Variants in TMEM74 observed in about 807,000 individuals in gnomAD.
TMEM74 encodes transmembrane protein 74.
A neutral mutation model predicts 18.1 loss-of-function variants in TMEM74; 13 were observed. The observed-to-expected ratio is 0.72, with a 90% CI of 0.47 to 1.14. TMEM74 has a LOEUF of 1.14. Ranked by LOEUF, TMEM74 falls within the 50% of genes most tolerant of loss-of-function variation. TMEM74 has a pLI of 0.00. For synonymous variants in TMEM74, 159 were observed against 146.6 expected, an observed-to-expected ratio of 1.08 and a Z score of -0.61; for missense variants, 372 against 375.9, an observed-to-expected ratio of 0.99 and a Z score of 0.09.
intron 1 of TMEM74, among the ~76,000 whole-genome samples, chr8:108,685,374 T>C (rs1039356003): frequency 2.0e-5 from 3 of 152,122 alleles, no homozygotes; most frequent in African/African-American, 7.2e-5. Flanking sequence ...GTAAGATCAG[T>C]CATCTGCAAA....
chr8:108,631,408 A>G (rs540074647), intron 2 of TMEM74, among the ~76,000 whole-genome samples: 4 of 152,066 alleles, frequency 2.6e-5, no homozygotes, highest in African/African-American at 9.6e-5. Context: ...ACCCTCCTTT[A>G]GCTTTCCGAG....
intron 1 of TMEM74, among the ~76,000 whole-genome samples, chr8:108,713,903 G>T (rs552031735): frequency 6.6e-6 from 1 of 152,220 alleles, no homozygotes; most frequent in Non-Finnish European, 1.5e-5. Flanking sequence ...TGAGAACCCA[G>T]GGGGCCACTG....
intron 1 of TMEM74, among the ~76,000 whole-genome samples, chr8:108,692,504 T>A (rs1813241358): frequency 6.6e-6 from 1 of 152,190 alleles, no homozygotes; most frequent in Non-Finnish European, 1.5e-5. Flanking sequence ...CTGGATGATC[T>A]TATACAGGCC....
chr8:108,730,531 T>C (rs1158083667), intron 1 of TMEM74, among the ~76,000 whole-genome samples: 1 of 152,218 alleles, frequency 6.6e-6, no homozygotes, highest in Non-Finnish European at 1.5e-5. Flanking sequence ...AAAGTTCTTT[T>C]ATATGGTTAA....
intron 2 of TMEM74, among the ~76,000 whole-genome samples, chr8:108,642,104 A>T (rs1039836020): frequency 1.1e-5 from 1 of 92,766 alleles, no homozygotes; most frequent in African/African-American, 4.0e-5. Flanking sequence ...ATTTAGGAAA[A>T]TATATGTGTT....
chr8:108,739,185 T>A (rs1813775342), intron 1 of TMEM74, among the ~76,000 whole-genome samples: 1 of 152,210 alleles, frequency 6.6e-6, no homozygotes, highest in African/African-American at 2.4e-5. Context: ...CTAAACTTTT[T>A]AAGATTCCTT....
chr8:108,741,631 G>T (rs1813801735), intron 1 of TMEM74, among the ~76,000 whole-genome samples: 1 of 152,166 alleles, frequency 6.6e-6, no homozygotes. Flanking sequence ...TTCAGCTCAT[G>T]TAATATGACC....
chr8:108,616,674 C>G (rs544467456), intron 2 of TMEM74, among the ~76,000 whole-genome samples: 5 of 152,018 alleles, frequency 3.3e-5, no homozygotes, highest in African/African-American at 9.7e-5. Flanking sequence ...GAAGACACAC[C>G]AACACATACC....
chr8:108,761,129 A>G (rs1403540598), intron 1 of TMEM74, among the ~76,000 whole-genome samples: 3 of 152,050 alleles, frequency 2.0e-5, no homozygotes, highest in African/African-American at 7.2e-5. Context: ...AATCCACTAA[A>G]CATCACCAGT....
chr8:108,731,403 A>G (rs1813694097), intron 1 of TMEM74, among the ~76,000 whole-genome samples: 1 of 152,232 alleles, frequency 6.6e-6, no homozygotes, highest in Non-Finnish European at 1.5e-5. Context: ...ATCTATATTT[A>G]GCAAAAATTA....
At chr8:108,657,955 G>A (rs1468184235) in intron 1 of TMEM74, among the ~76,000 whole-genome samples, 9 of 141,390 alleles carry the variant, frequency 6.4e-5, no homozygotes, top group African/African-American at 1.9e-4. Flanking sequence ...TTTTAGAAGT[G>A]GAAGTCAGCA....
At chr8:108,615,962 T>G (rs982393967) in intron 2 of TMEM74, among the ~76,000 whole-genome samples, 1 of 151,980 alleles carries the variant, frequency 6.6e-6, no homozygotes, top group Non-Finnish European at 1.5e-5. Flanking sequence ...AATTTTTGTA[T>G]TTTTAGTAGA....
chr8:108,725,942 G>A (rs1388701418), intron 1 of TMEM74, among the ~76,000 whole-genome samples: 1 of 152,030 alleles, frequency 6.6e-6, no homozygotes, highest in Non-Finnish European at 1.5e-5. Flanking sequence ...TGAGATTGTT[G>A]GATATTTATG....
At chr8:108,741,104 G>A (rs950013210) in intron 1 of TMEM74, among the ~76,000 whole-genome samples, 11 of 152,200 alleles carry the variant, frequency 7.2e-5, no homozygotes, top group Admixed American at 5.2e-4. Context: ...CGTACTGTCT[G>A]ATATTTTTAT....
At chr8:108,723,917 G>T (rs539315595) in intron 1 of TMEM74, among the ~76,000 whole-genome samples, 1 of 152,098 alleles carries the variant, frequency 6.6e-6, no homozygotes, top group Non-Finnish European at 1.5e-5. Flanking sequence ...AAACGAAGGT[G>T]CTCCTGCCTT....
At chr8:108,767,856 T>C (rs573392721) in intron 1 of TMEM74, among the ~76,000 whole-genome samples, 26 of 152,176 alleles carry the variant, frequency 1.7e-4, no homozygotes, top group Middle Eastern at 6.8e-3. Context: ...GGTATAAATA[T>C]AGTGACCATA....
rs1563551426 is a variant in TMEM74, at chr8:108,784,480, T to TG, written c.618dup (p.Asn207GlnfsTer82). Reference sequence around the variant, plus strand: ...TCCATCTCCCGGGCTGCCACAGTGTTGGGGTCCACAGTCACTTCCCGTGGG... The same window carrying TG: ...TCCATCTCCCGGGCTGCCACAGTGTTGGGGGTCCACAGTCACTTCCCGTGGG... On this transcript the variant is annotated frameshift_variant, in exon 2 of 2. Coordinates refer to ENST00000297459, the MANE Select transcript of TMEM74 (RefSeq NM_153015.3). LOFTEE classifies it high-confidence loss of function. 6.2e-7 allele frequency: 1 copy of TG among 1,614,166 alleles called. No individual in the cohort carries two copies.
At chr8:108,612,977 AC>A (rs1204937943) in intron 2 of TMEM74, among the ~76,000 whole-genome samples, 1 of 152,180 alleles carries the variant, frequency 6.6e-6, no homozygotes, top group African/African-American at 2.4e-5. Context: ...CACTTCTGCC[AC>A]TTTGCTACCC....
intron 2 of TMEM74, among the ~76,000 whole-genome samples, chr8:108,612,222 ATTTC>A (rs1274655669): frequency 6.6e-6 from 1 of 152,116 alleles, no homozygotes; most frequent in African/African-American, 2.4e-5. Flanking sequence ...ATCTCACATT[ATTTC>A]TATGTTAAAA....
Sources: gnomAD v4.1 joint callset for allele counts (sites outside exome capture counted in the v4.1 genomes callset) on GRCh38, gnomAD v4.1.1 for gene constraint, MANE v1.5 for transcripts, NCBI Gene and HGNC (gene_info 2026-07-23, HGNC 2026-07-21) for gene names.